Variants in SNX29 observed in about 807,000 individuals in gnomAD.
SNX29 encodes sorting nexin-29.
A neutral mutation model predicts 102.1 loss-of-function variants in SNX29; 78 were observed. The observed-to-expected ratio is 0.76, with a 90% confidence interval of 0.64 to 0.92. The LOEUF (loss-of-function observed/expected upper bound fraction) is 0.92, where lower values mean the gene tolerates loss of function less well. Among genes scored for constraint, SNX29 ranks in the 40% least tolerant of loss-of-function variants. SNX29 has a pLI of 0.00. For synonymous variants in SNX29, 580 were observed against 414.5 expected (o/e 1.40, Z -4.85); for missense variants, 1,280 against 1,061.7 (o/e 1.21, Z -2.86).
chr16:12,303,199 T>A lies in SNX29; in HGVS notation c.1782+25163T>A, dbSNP rs531504959. Among the ~76,000 whole-genome samples, 39 of 151,572 alleles carry A rather than the reference T, an allele frequency of 2.6e-4. No homozygotes were observed. The East Asian group carries it at 3.9e-3, about 15-fold the overall frequency. On this transcript the variant is annotated intron_variant, in intron 15 of 20. Transcript: ENST00000566228. ...TCCACATAGTTGCTTTTGTTTTTTT[T>A]AAAAAATAATTAGTTTGACCAATAT...
At chr16:12,168,572 G>A (rs1478022934) in intron 13 of SNX29, among the ~76,000 whole-genome samples, 2 of 152,124 alleles carry the variant, frequency 1.3e-5, no homozygotes, top group Non-Finnish European at 2.9e-5. Context: ...GGGTGCCCTC[G>A]TGACCTTGGA....
At chr16:12,102,918 TAGAG>T (rs751147081) in intron 11 of SNX29, among the ~76,000 whole-genome samples, 9 of 151,848 alleles carry the variant, frequency 5.9e-5, no homozygotes, top group South Asian at 2.1e-4. Context: ...ACACTAATAA[TAGAG>T]AGCCAAATCA....
At chr16:12,039,262 C>G (rs2057562317) in intron 4 of SNX29, among the ~76,000 whole-genome samples, 1 of 152,218 alleles carries the variant, frequency 6.6e-6, no homozygotes, top group Non-Finnish European at 1.5e-5. Flanking sequence ...TGCTTTCCTT[C>G]CCTTTCTAGT....
intron 15 of SNX29, among the ~76,000 whole-genome samples, chr16:12,352,816 G>A (rs1597038496): frequency 1.3e-5 from 2 of 152,182 alleles, no homozygotes; most frequent in East Asian, 3.9e-4. Flanking sequence ...ATTTACTTTT[G>A]ATTTGTCACT....
At chr16:12,060,788 C>G (rs958347405) in intron 8 of SNX29, 5 of 456,194 alleles carry the variant, frequency 1.1e-5, no homozygotes, top group African/African-American at 8.0e-5. Context: ...CAAACCCAAC[C>G]ACACTGCCTG....
intron 11 of SNX29, among the ~76,000 whole-genome samples, chr16:12,107,185 C>T (rs555598643): frequency 7.2e-5 from 11 of 152,232 alleles, no homozygotes; most frequent in Admixed American, 2.0e-4. Context: ...CAAGGCTGCA[C>T]GTGAAGGCGA....
rs536612545 is a variant in SNX29 at position 12,570,589 on chromosome 16, G to A, written c.*1960G>A. On this transcript the variant is annotated 3_prime_UTR_variant, in exon 21 of 21. Transcript: ENST00000566228. ...CAGGAGTGCCTCCCTGGCCTGGGTA[G>A]CTACCCTGGAGGTCATCTCCCTGTT... is the stretch of plus-strand genomic sequence containing the variant. The A allele has an allele frequency of 1.3e-5, 3 of 232,206 alleles. No individual in the cohort carries two copies. The highest frequency in any genetic ancestry group is 1.8e-4 in the South Asian group (1 of 5,516). The allele number at this position is 232,206 out of a possible 1,614,324, so 14.4% of individuals were successfully genotyped here.
chr16:12,484,350 C>T (rs184364917), intron 19 of SNX29, among the ~76,000 whole-genome samples: 9 of 152,334 alleles, frequency 5.9e-5, no homozygotes, highest in East Asian at 1.9e-4. Flanking sequence ...CCACTGTCAC[C>T]GCAGTGTGGA....
intron 13 of SNX29, among the ~76,000 whole-genome samples, chr16:12,175,610 C>T (rs529119573): frequency 1.2e-3 from 183 of 151,676 alleles, no homozygotes; most frequent in African/African-American, 4.3e-3. Context: ...GAGATGGTGC[C>T]CCTGCACTCC....
intron 14 of SNX29, among the ~76,000 whole-genome samples, chr16:12,251,769 T>C (rs2142388917): frequency 6.6e-6 from 1 of 152,200 alleles, no homozygotes; most frequent in East Asian, 1.9e-4. Context: ...TTAATTTTTT[T>C]TTTCTTTAGA....
chr16:12,346,362 G>T (rs1290082531), intron 15 of SNX29, among the ~76,000 whole-genome samples: 1 of 152,160 alleles, frequency 6.6e-6, no homozygotes, highest in Non-Finnish European at 1.5e-5. Flanking sequence ...CCTAAGTAAA[G>T]CACCTCTTTC....
chr16:12,505,862 G>C (rs989620438), intron 19 of SNX29, among the ~76,000 whole-genome samples: 3 of 150,048 alleles, frequency 2.0e-5, no homozygotes, highest in Non-Finnish European at 4.4e-5. Context: ...ATGATATTAA[G>C]TCTTCCCAGC....
chr16:12,197,284 T>C (rs1009473930), intron 13 of SNX29, among the ~76,000 whole-genome samples: 3 of 152,010 alleles, frequency 2.0e-5, no homozygotes, highest in Admixed American at 6.6e-5. Flanking sequence ...AAACATGCTC[T>C]ACAGGCTGGG....
intron 13 of SNX29, among the ~76,000 whole-genome samples, chr16:12,159,450 C>T (rs950332910): frequency 2.6e-5 from 4 of 152,208 alleles, no homozygotes; most frequent in African/African-American, 9.6e-5. Context: ...TTGGACCAGG[C>T]GTTTCTCCCT....
intron 20 of SNX29, among the ~76,000 whole-genome samples, chr16:12,536,719 T>G (rs2077094323): frequency 6.6e-6 from 1 of 152,218 alleles, no homozygotes; most frequent in African/African-American, 2.4e-5. Flanking sequence ...GGCTCACGCC[T>G]GTAATCTCAA....
chr16:12,113,339 A>G (rs1371369787), intron 11 of SNX29, among the ~76,000 whole-genome samples: 1 of 152,156 alleles, frequency 6.6e-6, no homozygotes, highest in African/African-American at 2.4e-5. Flanking sequence ...CAAGGGAGGT[A>G]GAGTCGCCGA....
chr16:12,424,340 T>C (rs1022589937), intron 18 of SNX29, among the ~76,000 whole-genome samples: 1 of 152,328 alleles, frequency 6.6e-6, no homozygotes, highest in South Asian at 2.1e-4. Context: ...AGTTTTGATT[T>C]TGCTGTTTCT....
At chr16:11,978,463 T>C (rs988170849) in intron 1 of SNX29, among the ~76,000 whole-genome samples, 2 of 152,192 alleles carry the variant, frequency 1.3e-5, no homozygotes, top group African/African-American at 4.8e-5. Context: ...AGGCTTGTAA[T>C]GACTAAATAA....
intron 13 of SNX29, chr16:12,135,476 T>A (rs1388350010): frequency 7.7e-7 from 1 of 1,294,978 alleles, no homozygotes; most frequent in African/African-American, 1.5e-5. Context: ...GTGACCAGGA[T>A]GGTCTGATAA....
Sources: allele counts gnomAD v4.1 joint callset (sites outside exome capture counted in the v4.1 genomes callset), GRCh38; gene constraint gnomAD v4.1.1; transcripts MANE v1.5; gene names NCBI Gene and HGNC (gene_info 2026-07-23, HGNC 2026-07-21).